NEBL: variants seen among roughly 807,000 people sequenced by gnomAD.
The protein encoded by NEBL is LIM and SH3 protein 2.
NEBL carries 122 observed loss-of-function variants against 140.2 expected under a neutral mutation model. The observed-to-expected ratio is 0.87, with a 90% CI of 0.75 to 1.01. NEBL has a LOEUF of 1.01. NEBL is among the 50% of genes least tolerant of loss of function. The probability of loss-of-function intolerance (pLI) is 0.00; values close to 1 mark genes in which losing one functional copy is unlikely to be tolerated. For synonymous variants in NEBL, 436 were observed against 398.9 expected (o/e 1.09, Z -1.11); for missense variants, 1,365 against 1,231.3 (o/e 1.11, Z -1.62).
At position 21,125,933 on chromosome 10, in the gene NEBL, G is replaced by T. The variant is rs374336095; in HGVS notation, c.164+46450C>A. Reference sequence around the variant, plus strand: ...GTTATACCTTCTGGTCCCAGAGACAGCCTTGGGGACTTGGCCCAGTTGCCT... The same window carrying T: ...GTTATACCTTCTGGTCCCAGAGACATCCTTGGGGACTTGGCCCAGTTGCCT... On this transcript the variant is annotated intron_variant, in intron 2 of 6. Transcript: ENST00000417816. 2.5e-6 allele frequency: 4 copies of T among 1,614,096 alleles called. No homozygotes were observed. In the Admixed American group the frequency reaches 5.0e-5, roughly 20 times the overall value.
chr10:20,994,529 G>A (rs183561022), intron 3 of NEBL, among the ~76,000 whole-genome samples: 9 of 152,206 alleles, frequency 5.9e-5, no homozygotes, highest in South Asian at 2.1e-4. Context: ...TCCATTGGCC[G>A]TAATATAAAA....
intron 2 of NEBL, among the ~76,000 whole-genome samples, chr10:21,024,419 G>T (rs1383104212): frequency 6.6e-6 from 1 of 151,264 alleles, no homozygotes; most frequent in Non-Finnish European, 1.5e-5. Context: ...AACTACCAGG[G>T]ATCATGAGAA....
At chr10:21,008,011 A>G (rs1027583110) in intron 3 of NEBL, among the ~76,000 whole-genome samples, 1 of 152,212 alleles carries the variant, frequency 6.6e-6, no homozygotes, top group Admixed American at 6.5e-5. Context: ...GAATTAAATC[A>G]TACTTAGCCA....
intron 22 of NEBL, among the ~76,000 whole-genome samples, chr10:20,815,376 G>C (rs1309946209): frequency 6.6e-6 from 1 of 152,170 alleles, no homozygotes; most frequent in African/African-American, 2.4e-5. Flanking sequence ...TTGTTTAAAT[G>C]AATATAATTT....
Position 21,168,942 on chromosome 10 carries a change from G to A in NEBL, c.164+3441C>T, listed in dbSNP as rs141143367. Among the ~76,000 whole-genome samples, 216 of 149,428 alleles carry A rather than the reference G, an allele frequency of 1.4e-3. 5 individuals carry two copies. The East Asian group carries it at 0.038, about 26-fold the overall frequency. Reference sequence around the variant, plus strand: ...CGGGCGCCCCTAGTCCCAGCTACTCGGGAGGCTGAGGCAGCAGAATGGCAT... The same window carrying A: ...CGGGCGCCCCTAGTCCCAGCTACTCAGGAGGCTGAGGCAGCAGAATGGCAT... On this transcript the variant is annotated intron_variant, in intron 2 of 6. Transcript: ENST00000417816.
intron 1 of NEBL, among the ~76,000 whole-genome samples, chr10:21,256,641 G>A (rs1385302952): frequency 1.3e-5 from 2 of 152,154 alleles, no homozygotes; most frequent in Non-Finnish European, 2.9e-5. Context: ...GACCAGCCTA[G>A]GCAACATAGT....
At chr10:20,954,736 A>C (rs962917789) in intron 4 of NEBL, among the ~76,000 whole-genome samples, 2 of 152,174 alleles carry the variant, frequency 1.3e-5, no homozygotes, top group Non-Finnish European at 2.9e-5. Flanking sequence ...CCCCCTCTGC[A>C]AACAGCACAA....
At chr10:21,177,337 C>T (rs1016648323), upstream of NEBL, among the ~76,000 whole-genome samples, 13 of 152,196 alleles carry the variant, frequency 8.5e-5, no homozygotes, top group Non-Finnish European at 1.8e-4. Flanking sequence ...AGAGCCACAG[C>T]AAGCCCACAG....
chr10:20,805,809 C>T (rs935233785), intron 26 of NEBL, among the ~76,000 whole-genome samples: 2 of 151,630 alleles, frequency 1.3e-5, no homozygotes, highest in Non-Finnish European at 2.9e-5. Context: ...GCCAAGATCA[C>T]GTTACTGCAC....
intron 7 of NEBL, among the ~76,000 whole-genome samples, chr10:20,864,126 G>A (rs1468097361): frequency 2.0e-5 from 3 of 152,026 alleles, no homozygotes; most frequent in Non-Finnish European, 4.4e-5. Context: ...GCTTTTCCTT[G>A]AGGTTATAAA....
At chr10:21,288,390 C>T (rs1172835344) in intron 1 of NEBL, among the ~76,000 whole-genome samples, 2 of 152,068 alleles carry the variant, frequency 1.3e-5, no homozygotes, top group Admixed American at 6.6e-5. Context: ...ATCACTTGAA[C>T]CCAGGAGTCA....
rs949118054 is a variant in NEBL, at chr10:20,950,296, A to G, written c.357+11376T>C. Among the ~76,000 whole-genome samples the G allele has an allele frequency of 2.0e-5, 3 of 152,224 alleles. No homozygotes were observed. The South Asian group carries it at 6.2e-4, about 31-fold the overall frequency. On this transcript the variant is annotated intron_variant, in intron 4 of 6. Transcript: ENST00000417816. ...AGATCTCAAAAGTGGTATCATCTAGAAATGTTTGTTTTGGATTTATAGATG... is the reference window on the plus strand; with the variant it reads ...AGATCTCAAAAGTGGTATCATCTAGGAATGTTTGTTTTGGATTTATAGATG...
intron 2 of NEBL, among the ~76,000 whole-genome samples, chr10:21,145,245 T>C (rs1456271888): frequency 6.6e-6 from 1 of 152,214 alleles, no homozygotes; most frequent in African/African-American, 2.4e-5. Context: ...ATATGAAATA[T>C]ATAAGCCTTC....
At chr10:21,035,436 C>A (rs1183940147) in intron 2 of NEBL, among the ~76,000 whole-genome samples, 2 of 152,192 alleles carry the variant, frequency 1.3e-5, no homozygotes, top group African/African-American at 4.8e-5. Context: ...ATTCTCCTCA[C>A]CTCTTCCAAG....
intron 3 of NEBL, among the ~76,000 whole-genome samples, chr10:21,240,907 TACACACACACACACAC>T (rs61704937): frequency 1.5e-5 from 2 of 137,278 alleles, no homozygotes; most frequent in South Asian, 2.4e-4. Flanking sequence ...CACGCACACA[TACACACACACACACAC>T]ACACACACAC....
chr10:21,143,744 AC>A (rs1839757108), intron 2 of NEBL, among the ~76,000 whole-genome samples: 2 of 152,070 alleles, frequency 1.3e-5, no homozygotes, highest in African/African-American at 4.8e-5. Context: ...AGTGACTTGA[AC>A]CAGAGAGCTC....
intron 2 of NEBL, 145 bp downstream of exon 2, chr10:20,896,813 A>T: frequency 1.3e-6 from 1 of 796,744 alleles, no homozygotes; most frequent in Non-Finnish European, 2.2e-6. Flanking sequence ...ATCACTGAAA[A>T]TTTCAGGACT....
intron 2 of NEBL, among the ~76,000 whole-genome samples, chr10:21,119,144 T>TCTTCTAG (rs1319628356): frequency 1.3e-5 from 2 of 152,198 alleles, no homozygotes; most frequent in African/African-American, 4.8e-5. Context: ...GGATACTATG[T>TCTTCTAG]CTTCTAGCTT....
chr10:21,124,124 T>C (rs535398690), intron 2 of NEBL, among the ~76,000 whole-genome samples: 77 of 152,244 alleles, frequency 5.1e-4, no homozygotes, highest in African/African-American at 1.8e-3. Context: ...TAAATCATAA[T>C]ATTGCCTACT....
Sources: gnomAD v4.1 joint callset for allele counts (sites outside exome capture counted in the v4.1 genomes callset) on GRCh38, gnomAD v4.1.1 for gene constraint, MANE v1.5 for transcripts, NCBI Gene and HGNC (gene_info 2026-07-23, HGNC 2026-07-21) for gene names.